RAD54B: variants seen among roughly 807,000 people sequenced by gnomAD.
RAD54B encodes the protein RAD54 homolog B.
Under a neutral mutation model 95.8 loss-of-function variants are expected in RAD54B, and 78 were observed. The ratio of observed to expected loss-of-function variants is 0.81; its 90% CI spans 0.68 to 0.98. The LOEUF (loss-of-function observed/expected upper bound fraction) is 0.98. Among genes scored for constraint, RAD54B ranks in the 50% least tolerant of loss-of-function variants. RAD54B has a pLI of 0.00. For missense variants in RAD54B, 957 were observed against 1,056.6 expected, an observed-to-expected ratio of 0.91 and a Z score of 1.31; for synonymous variants, 328 against 354.9, an observed-to-expected ratio of 0.92 and a Z score of 0.85.
rs530855886 is a variant in RAD54B at position 94,414,496 on chromosome 8, G to A, written c.305-3181C>T. On this transcript the variant is annotated intron_variant, in intron 3 of 14. Transcript: ENST00000336148. ...GATAGCTCTTATTATTTTGAGATAT[G>A]TCCTATCAATACCTAATTTATTGAG... Among the ~76,000 whole-genome samples, 100 of 152,214 alleles carry A rather than the reference G, an allele frequency of 6.6e-4. No individual in the cohort carries two copies. The East Asian group carries it at 0.016, about 25-fold the overall frequency.
At chr8:94,402,792 T>G (rs1317102820) in intron 6 of RAD54B, among the ~76,000 whole-genome samples, 1 of 152,122 alleles carries the variant, frequency 6.6e-6, no homozygotes, top group East Asian at 1.9e-4. Flanking sequence ...TTGAGAAGCA[T>G]CAGAAGCAAA....
At chr8:94,388,093 T>C (rs993210921) in intron 10 of RAD54B, among the ~76,000 whole-genome samples, 2 of 152,216 alleles carry the variant, frequency 1.3e-5, no homozygotes, top group Non-Finnish European at 2.9e-5. Context: ...ACACAGTACA[T>C]TTCAGGTTTG....
At chr8:94,402,620 C>T (rs919770707) in intron 6 of RAD54B, among the ~76,000 whole-genome samples, 13 of 152,088 alleles carry the variant, frequency 8.5e-5, no homozygotes, top group Non-Finnish European at 1.6e-4. Flanking sequence ...CCACTTGCCA[C>T]CTCAAAATGG....
intron 14 of RAD54B, among the ~76,000 whole-genome samples, chr8:94,377,951 G>A (rs1205810116): frequency 2.4e-5 from 3 of 124,382 alleles, no homozygotes; most frequent in Non-Finnish European, 4.8e-5. Context: ...ACTCCAGCCT[G>A]GGCGACAGAG....
chr8:94,463,086 G>A (rs1448227696), intron 2 of RAD54B, among the ~76,000 whole-genome samples: 3 of 151,976 alleles, frequency 2.0e-5, no homozygotes, highest in Non-Finnish European at 4.4e-5. Context: ...TAAGACAGGA[G>A]AATTGCTTGA....
intron 5 of RAD54B, among the ~76,000 whole-genome samples, chr8:94,406,060 T>A (rs1811383770): frequency 1.3e-5 from 2 of 151,442 alleles, no homozygotes; most frequent in South Asian, 4.2e-4. Context: ...CACATATATA[T>A]ACATTTACAT....
chr8:94,428,695 A>C, intron 3 of RAD54B: 1 of 906,630 alleles, frequency 1.1e-6, no homozygotes, highest in Non-Finnish European at 1.3e-6. Context: ...CAGTAGTTCA[A>C]TCTGCAGATG....
At chr8:94,432,021 T>C in intron 3 of RAD54B, 2 of 1,377,014 alleles carry the variant, frequency 1.5e-6, no homozygotes, top group Admixed American at 3.2e-5. Flanking sequence ...TTTTCCATAA[T>C]AGAGATTAAC....
chr8:94,462,774 C>T (rs1586041120), intron 2 of RAD54B, among the ~76,000 whole-genome samples: 2 of 152,088 alleles, frequency 1.3e-5, no homozygotes, highest in African/African-American at 4.8e-5. Flanking sequence ...AAATGCCCCA[C>T]TTCAGTTTTA....
At chr8:94,440,080 T>C (rs1812364478) in intron 3 of RAD54B, among the ~76,000 whole-genome samples, 1 of 152,186 alleles carries the variant, frequency 6.6e-6, no homozygotes, top group South Asian at 2.1e-4. Flanking sequence ...TTCCATGTTA[T>C]GCCAGAGTCA....
intron 8 of RAD54B, among the ~76,000 whole-genome samples, chr8:94,397,033 T>A (rs868260447): frequency 1.3e-5 from 2 of 152,284 alleles, no homozygotes; most frequent in African/African-American, 4.8e-5. Flanking sequence ...AGAAAATAAA[T>A]GTCTGTTGTT....
Position 94,373,634 on chromosome 8 carries a change from C to A in RAD54B, c.2516-1247G>T, listed in dbSNP as rs933209146. ...ACTAAATGCCCACAATGACCTGTTACACAAATGAGAAACATATTTCTATTG... is the reference window on the plus strand; with the variant it reads ...ACTAAATGCCCACAATGACCTGTTAAACAAATGAGAAACATATTTCTATTG... On this transcript the variant is annotated intron_variant, in intron 14 of 14. Transcript: ENST00000336148. 7.2e-5 allele frequency among the ~76,000 whole-genome samples: 11 copies of A among 152,176 alleles called. 1 individual carries two copies. Among genetic ancestry groups the A allele is most frequent in the Admixed American group, 7.2e-4 (11 of 15,278 alleles).
intron 5 of RAD54B, 35 bp from the exon 6 acceptor site, chr8:94,404,274 T>C: frequency 1.3e-6 from 2 of 1,503,072 alleles, no homozygotes; most frequent in Non-Finnish European, 1.8e-6. Context: ...TATTGTAATT[T>C]CACTTTTTCA....
At chr8:94,438,289 T>C (rs1264645725) in intron 3 of RAD54B, among the ~76,000 whole-genome samples, 1 of 152,210 alleles carries the variant, frequency 6.6e-6, no homozygotes, top group Non-Finnish European at 1.5e-5. Context: ...CAGAAAACAG[T>C]GAAAGATTGC....
rs1810450452 is a variant in RAD54B, at chr8:94,371,964, A to G, written c.*206T>C. On this transcript the variant is annotated 3_prime_UTR_variant, in exon 15 of 15. Transcript: ENST00000336148. Reference sequence around the variant, plus strand: ...TCAAGGAATTATTAACAATTATACAATGATATAAGCACATCTTTATTTTTC... The same window carrying G: ...TCAAGGAATTATTAACAATTATACAGTGATATAAGCACATCTTTATTTTTC... The G allele has an allele frequency of 7.4e-6, 6 of 806,256 alleles. No individual in the cohort carries two copies. In the South Asian group the frequency reaches 1.5e-4, roughly 20 times the overall value. The allele number at this position is 806,256 out of a possible 1,614,324, so 49.9% of individuals were successfully genotyped here. A position where few individuals can be genotyped will look rare whatever the true frequency, so the allele number is the denominator to read the frequency against.
At chr8:94,376,356 A>G (rs1810571362) in intron 14 of RAD54B, among the ~76,000 whole-genome samples, 1 of 152,150 alleles carries the variant, frequency 6.6e-6, no homozygotes, top group South Asian at 2.1e-4. Flanking sequence ...CTGAATAATG[A>G]AAGACTGTAT....
chr8:94,422,587 CAAAAAAAAAAAAAAAA>C (rs60701725), intron 3 of RAD54B, among the ~76,000 whole-genome samples: 45 of 14,280 alleles, frequency 3.2e-3, no homozygotes, highest in Non-Finnish European at 6.1e-3. Flanking sequence ...GACTTCGTCT[CAAAAAAAAAAAAAAAA>C]AAAAAAAAAA....
intron 3 of RAD54B, among the ~76,000 whole-genome samples, chr8:94,420,478 T>C (rs1221682128): frequency 1.3e-5 from 2 of 151,678 alleles, no homozygotes; most frequent in Non-Finnish European, 2.9e-5. Flanking sequence ...CAGGCTGGTG[T>C]CGAACTCATG....
chr8:94,411,869 T>A (rs1811537814), intron 3 of RAD54B, among the ~76,000 whole-genome samples: 1 of 152,148 alleles, frequency 6.6e-6, no homozygotes, highest in South Asian at 2.1e-4. Context: ...TTACCTCACA[T>A]ACTTTTTGTG....
Sources: allele counts gnomAD v4.1 joint callset (sites outside exome capture counted in the v4.1 genomes callset), GRCh38; gene constraint gnomAD v4.1.1; transcripts MANE v1.5; gene names NCBI Gene and HGNC (gene_info 2026-07-23, HGNC 2026-07-21).